LNX1: variants seen among roughly 807,000 people sequenced by gnomAD.
LNX1 encodes E3 ubiquitin-protein ligase LNX.
A neutral mutation model predicts 68.4 loss-of-function variants in LNX1; 54 were observed. The observed-to-expected ratio is 0.79, with a 90% CI of 0.63 to 0.99. The LOEUF (loss-of-function observed/expected upper bound fraction) is 0.99. Among genes scored for constraint, LNX1 ranks in the 50% least tolerant of loss-of-function variants. The probability of loss-of-function intolerance (pLI) is 0.00; values close to 1 mark genes in which losing one functional copy is unlikely to be tolerated. For missense variants in LNX1, 906 were observed against 926.4 expected, an observed-to-expected ratio of 0.98 and a Z score of 0.29; for synonymous variants, 336 against 350.0, an observed-to-expected ratio of 0.96 and a Z score of 0.45.
chr4:53,509,684 AG>A (rs1253252744), intron 2 of LNX1, among the ~76,000 whole-genome samples: 3 of 152,242 alleles, frequency 2.0e-5, no homozygotes, highest in Non-Finnish European at 4.4e-5. Context: ...CATGACTACA[AG>A]CAGTTCTCAT....
intron 1 of LNX1, among the ~76,000 whole-genome samples, chr4:53,632,664 T>A (rs1734321558): frequency 6.6e-6 from 1 of 152,044 alleles, no homozygotes; most frequent in African/African-American, 2.4e-5. Context: ...CTTCCCTGGT[T>A]TGAAAAAACA....
In LNX1 at chr4:53,573,889, G is replaced by A; in HGVS notation, c.114C>T (p.Asp38=). Residue 38 remains aspartate, a synonymous_variant, in exon 2 of 11, where the codon GAC becomes GAT. Transcript: ENST00000263925. ...FYSYPEEVDD[D]LICHICLQAL... ...CCTGCAGGCAGATGTGGCAGATGAGGTCATCATCCACTTCCTCTGGATAGC... is the reference window on the plus strand; with the variant it reads ...CCTGCAGGCAGATGTGGCAGATGAGATCATCATCCACTTCCTCTGGATAGC... 1 of 1,613,816 alleles carries A rather than the reference G, an allele frequency of 6.2e-7. No homozygotes were observed. The highest frequency in any genetic ancestry group is 1.3e-5 in the African/African-American group (1 of 75,044).
intron 2 of LNX1, among the ~76,000 whole-genome samples, chr4:53,568,635 C>G (rs1730898075): frequency 6.6e-6 from 1 of 150,844 alleles, no homozygotes; most frequent in Admixed American, 6.6e-5. Flanking sequence ...CACTCCTATT[C>G]AACATAGTGT....
intron 6 of LNX1, among the ~76,000 whole-genome samples, chr4:53,486,405 G>A (rs1438560767): frequency 6.6e-6 from 1 of 152,100 alleles, no homozygotes; most frequent in Non-Finnish European, 1.5e-5. Flanking sequence ...TTTTCTACAG[G>A]CCAAGAGGAA....
At chr4:53,639,668 C>T (rs1316076919) in intron 1 of LNX1, among the ~76,000 whole-genome samples, 4 of 152,238 alleles carry the variant, frequency 2.6e-5, no homozygotes, top group Middle Eastern at 3.4e-3. Flanking sequence ...TTTCTTCTGT[C>T]GCCCACTTAC....
At chr4:53,481,571 A>C (rs1197872913) in intron 7 of LNX1, 149 bp downstream of exon 7, 1 of 896,342 alleles carries the variant, frequency 1.1e-6, no homozygotes, top group African/African-American at 1.7e-5. Flanking sequence ...CCAAGTCTTA[A>C]ATATGGGACT....
rs1730067352 is a variant in LNX1 at position 53,558,308 on chromosome 4, C to A, written c.380+15315G>T. 1.7e-5 allele frequency: 18 copies of A among 1,087,988 alleles called. No individual in the cohort carries two copies. In the South Asian group the frequency reaches 4.6e-4, roughly 28 times the overall value. The allele number at this position is 1,087,988 out of a possible 1,614,324, so 67.4% of individuals were successfully genotyped here. ...GGAAGCAGCTGGTACATTTACATCACCGGCTGGGAGCAGACAGGCTGGGAG... is the reference window on the plus strand; with the variant it reads ...GGAAGCAGCTGGTACATTTACATCAACGGCTGGGAGCAGACAGGCTGGGAG... On this transcript the variant is annotated intron_variant, in intron 2 of 10. Transcript: ENST00000263925.
At chr4:53,633,290 C>T (rs1013148182) in intron 1 of LNX1, among the ~76,000 whole-genome samples, 1 of 152,158 alleles carries the variant, frequency 6.6e-6, no homozygotes, top group Non-Finnish European at 1.5e-5. Context: ...GGCTACCACC[C>T]CCATCCACGC....
At chr4:53,508,982 A>G (rs1456617772) in intron 2 of LNX1, among the ~76,000 whole-genome samples, 1 of 152,240 alleles carries the variant, frequency 6.6e-6, no homozygotes, top group Non-Finnish European at 1.5e-5. Flanking sequence ...AAACTTTGTG[A>G]GAAAAGCAAG....
chr4:53,529,841 G>A (rs1340920176), intron 2 of LNX1, among the ~76,000 whole-genome samples: 2 of 152,148 alleles, frequency 1.3e-5, no homozygotes, highest in Non-Finnish European at 2.9e-5. Context: ...CACAGGAAAT[G>A]AACATACACC....
chr4:53,635,335 G>A (rs1408418415), intron 1 of LNX1, among the ~76,000 whole-genome samples: 1 of 152,126 alleles, frequency 6.6e-6, no homozygotes, highest in African/African-American at 2.4e-5. Flanking sequence ...TGTTTTGTGA[G>A]CCAACAAAAT....
intron 2 of LNX1, among the ~76,000 whole-genome samples, chr4:53,515,924 G>C (rs1233330969): frequency 6.6e-6 from 1 of 152,132 alleles, no homozygotes; most frequent in Non-Finnish European, 1.5e-5. Context: ...TACATAAAAT[G>C]GGCACAGTGT....
At chr4:53,594,817 T>G (rs1732680628), upstream of LNX1, among the ~76,000 whole-genome samples, 1 of 152,036 alleles carries the variant, frequency 6.6e-6, no homozygotes, top group Non-Finnish European at 1.5e-5. Context: ...GCTCAAGTGA[T>G]CCTCCCACCT....
intron 1 of LNX1, chr4:53,576,373 A>C: frequency 1.9e-6 from 3 of 1,589,292 alleles, no homozygotes; most frequent in Admixed American, 3.4e-5. Context: ...GTGTGAGGGC[A>C]GCCTGCAGGA....
At chr4:53,527,228 T>C (rs1418971934) in intron 2 of LNX1, among the ~76,000 whole-genome samples, 1 of 152,220 alleles carries the variant, frequency 6.6e-6, no homozygotes, top group East Asian at 1.9e-4. Context: ...AATGAACAGA[T>C]ATTGTTTTAT....
At chr4:53,556,833 T>C (rs1322700821) in intron 2 of LNX1, among the ~76,000 whole-genome samples, 1 of 152,186 alleles carries the variant, frequency 6.6e-6, no homozygotes, top group Non-Finnish European at 1.5e-5. Context: ...TACCACTACA[T>C]AGTCATGGGT....
chr4:53,576,376 C>T, intron 1 of LNX1: 2 of 1,582,276 alleles, frequency 1.3e-6, no homozygotes, highest in Admixed American at 1.7e-5. Flanking sequence ...TGAGGGCAGC[C>T]TGCAGGACTG....
intron 2 of LNX1, among the ~76,000 whole-genome samples, chr4:53,522,532 T>G (rs1181639171): frequency 6.6e-6 from 1 of 152,078 alleles, no homozygotes; most frequent in Admixed American, 6.6e-5. Context: ...ACACAGAGAG[T>G]TGCATGGATG....
At chr4:53,623,169 G>T (rs1733946846) in intron 1 of LNX1, among the ~76,000 whole-genome samples, 1 of 150,862 alleles carries the variant, frequency 6.6e-6, no homozygotes. Context: ...CTTCTTAGTT[G>T]TACCTGAGGA....
Sources: gnomAD v4.1 joint callset for allele counts (sites outside exome capture counted in the v4.1 genomes callset) on GRCh38, gnomAD v4.1.1 for gene constraint, MANE v1.5 for transcripts, NCBI Gene and HGNC (gene_info 2026-07-23, HGNC 2026-07-21) for gene names.